ELAVL1: variants seen among roughly 807,000 people sequenced by gnomAD.
The protein encoded by ELAVL1 is ELAV-like protein 1.
Under a neutral mutation model 28.4 loss-of-function variants are expected in ELAVL1, and 1 was observed. The observed-to-expected ratio is 0.04, with a 90% CI of 0.01 to 0.17. The LOEUF is 0.17. ELAVL1 is among the 10% of genes least tolerant of loss of function. The pLI is 1.00. For missense variants in ELAVL1, 157 were observed against 447.2 expected, an observed-to-expected ratio of 0.35 and a Z score of 5.85; for synonymous variants, 174 against 183.5, an observed-to-expected ratio of 0.95 and a Z score of 0.42.
intron 2 of ELAVL1, among the ~76,000 whole-genome samples, chr19:7,983,117 AG>A (rs1985507185): frequency 6.6e-6 from 1 of 152,214 alleles, no homozygotes; most frequent in African/African-American, 2.4e-5. Flanking sequence ...ACGTGCAGTT[AG>A]TTCTGCATGG....
intron 4 of ELAVL1, among the ~76,000 whole-genome samples, chr19:7,968,762 A>G (rs1479661190): frequency 6.6e-6 from 1 of 152,076 alleles, no homozygotes; most frequent in Non-Finnish European, 1.5e-5. Flanking sequence ...GTGGAAGGAG[A>G]GCATGGCTGT....
chr19:7,982,388 C>T lies in ELAVL1; in HGVS notation c.173-1202G>A, dbSNP rs1296352092. On this transcript the variant is annotated intron_variant, in intron 2 of 5. Coordinates refer to ENST00000407627, the MANE Select transcript of ELAVL1 (RefSeq NM_001419.3). This position sits in a 1 kb window ranked among gnomAD's most constrained non-coding sequence, Gnocchi z 4.3. ...GCGCGACAACGAGCAGGTCACCGAA[C>T]AGGAGGTGGCCTGGAGCCCCACTGA... Among the ~76,000 whole-genome samples the T allele has an allele frequency of 6.6e-6, 1 of 152,200 alleles. No homozygotes were observed. Among genetic ancestry groups the T allele is most frequent in the Non-Finnish European group, 1.5e-5 (1 of 68,042 alleles).
At chr19:7,968,330 TCTC>T (rs1985010982) in intron 4 of ELAVL1, among the ~76,000 whole-genome samples, 1 of 152,202 alleles carries the variant, frequency 6.6e-6, no homozygotes, top group African/African-American at 2.4e-5. Context: ...CTGCATGCCT[TCTC>T]CTTCATGCCA....
Position 7,962,648 on chromosome 19 carries a change from G to A in ELAVL1, c.*835C>T, listed in dbSNP as rs550643406. 17 of 152,756 alleles carry A rather than the reference G, an allele frequency of 1.1e-4. No individual in the cohort carries two copies. Among genetic ancestry groups the A allele is most frequent in the East Asian group, 1.9e-4 (1 of 5,194 alleles). 9.5% of individuals were successfully genotyped at this position (152,756 alleles called of 1,614,324 possible). On this transcript the variant is annotated 3_prime_UTR_variant, in exon 6 of 6. Transcript: ENST00000407627. The stretch of plus-strand genomic sequence containing the variant: ...AGCTATGTTAAATGCTCTGGAAAAC[G>A]GGAGAAATTATCGTGAACAACAGTA...
chr19:7,967,646 T>C lies in ELAVL1; in HGVS notation c.575A>G (p.Asn192Ser). Residue 192 changes from asparagine to serine, a missense_variant, in exon 5 of 6, where the codon AAC becomes AGC. Asn to Ser is a conservative substitution (Grantham distance 46). This residue lies in a region of ELAVL1 where 107 missense variants were observed against 310.4 expected (regional missense o/e 0.34). Coordinates refer to ENST00000407627, the MANE Select transcript of ELAVL1 (RefSeq NM_001419.3). ...KFAANPNQNK[N>S]VALLSQLYHS... Reference sequence around the variant, plus strand: ...GTACAGCTGCGAGAGGAGTGCCACGTTTTTGTTCTGGTTGGGGTTGGCTGC... The same window carrying C: ...GTACAGCTGCGAGAGGAGTGCCACGCTTTTGTTCTGGTTGGGGTTGGCTGC... 2 of 1,614,176 alleles carry C rather than the reference T, an allele frequency of 1.2e-6. No homozygotes were observed. The highest frequency in any genetic ancestry group is 8.5e-7 in the Non-Finnish European group (1 of 1,180,024).
intron 5 of ELAVL1, among the ~76,000 whole-genome samples, chr19:7,964,231 C>G (rs1945383689): frequency 6.6e-6 from 1 of 152,196 alleles, no homozygotes; most frequent in Admixed American, 6.5e-5. Flanking sequence ...GGGCTGAACT[C>G]CTTTTTCCAA....
chr19:7,994,752 G>A (rs1985834587), intron 1 of ELAVL1, among the ~76,000 whole-genome samples: 2 of 152,174 alleles, frequency 1.3e-5, no homozygotes, highest in South Asian at 4.1e-4. Context: ...AGGAGTTCAA[G>A]ACCAGTCTGG....
intron 1 of ELAVL1, among the ~76,000 whole-genome samples, chr19:7,995,200 A>G (rs993492405): frequency 1.3e-5 from 2 of 152,260 alleles, no homozygotes; most frequent in Non-Finnish European, 2.9e-5. Flanking sequence ...ATTTGCTGGA[A>G]GCTGATCCAA....
At position 7,981,033 on chromosome 19, in the gene ELAVL1, G is replaced by C. The variant is rs778288851; in HGVS notation, c.276+50C>G. ...GTGAGGCTGGGCGGGGCTCAGCACA[G>C]ACCTGTGCCCAGGGCAGGAATGGAT... On this transcript the variant is annotated intron_variant, in intron 3 of 5. Coordinates refer to ENST00000407627, the MANE Select transcript of ELAVL1 (RefSeq NM_001419.3). This position sits in a 1 kb window ranked among gnomAD's most constrained non-coding sequence, Gnocchi z 4.2. 3 of 1,585,282 alleles carry C rather than the reference G, an allele frequency of 1.9e-6. No homozygotes were observed.
At chr19:7,995,503 T>C (rs1434090858) in intron 1 of ELAVL1, among the ~76,000 whole-genome samples, 2 of 152,210 alleles carry the variant, frequency 1.3e-5, no homozygotes, top group Admixed American at 1.3e-4. Context: ...ATCTGGCCCA[T>C]TGCCTGTTGT....
chr19:8,004,800 A>T (rs1350330306), intron 1 of ELAVL1, among the ~76,000 whole-genome samples: 3 of 152,108 alleles, frequency 2.0e-5, no homozygotes, highest in South Asian at 2.1e-4. Flanking sequence ...ACCCATTTTA[A>T]CAAGCCCCGC....
At chr19:8,001,078 A>C (rs1329811030) in intron 1 of ELAVL1, among the ~76,000 whole-genome samples, 1 of 152,154 alleles carries the variant, frequency 6.6e-6, no homozygotes, top group African/African-American at 2.4e-5. Context: ...CCCTTCCCAG[A>C]GCTTCAGCTT....
At chr19:7,993,490 C>T (rs1304103655) in intron 1 of ELAVL1, among the ~76,000 whole-genome samples, 1 of 152,232 alleles carries the variant, frequency 6.6e-6, no homozygotes, top group Non-Finnish European at 1.5e-5. Context: ...TTGGTCTTCA[C>T]AGTTTGCAGG....
intron 3 of ELAVL1, among the ~76,000 whole-genome samples, chr19:7,975,733 T>C (rs1985263828): frequency 6.6e-6 from 1 of 152,172 alleles, no homozygotes; most frequent in African/African-American, 2.4e-5. Flanking sequence ...GATACAGTCA[T>C]TGCGGATGTA....
At chr19:7,984,541 G>A (rs1985550461) in intron 2 of ELAVL1, among the ~76,000 whole-genome samples, 1 of 152,204 alleles carries the variant, frequency 6.6e-6, no homozygotes, top group South Asian at 2.1e-4. Flanking sequence ...CCAGCGGGCT[G>A]GTGATCTAAT....
chr19:8,003,752 ACT>A (rs951680784), intron 1 of ELAVL1, among the ~76,000 whole-genome samples: 1 of 152,224 alleles, frequency 6.6e-6, no homozygotes, highest in Non-Finnish European at 1.5e-5. Flanking sequence ...CCAGACTGAA[ACT>A]CTGTCTGCTC....
chr19:7,995,382 T>C (rs762272424), intron 1 of ELAVL1, among the ~76,000 whole-genome samples: 35 of 152,352 alleles, frequency 2.3e-4, no homozygotes, highest in Admixed American at 4.6e-4. Flanking sequence ...TCTGCTTTCA[T>C]GGACGGTGAG....
At chr19:7,967,828 A>G (rs985967246) in intron 4 of ELAVL1, 38 bp from the exon 5 acceptor site, 1 of 1,598,542 alleles carries the variant, frequency 6.3e-7, no homozygotes, top group South Asian at 1.1e-5. Flanking sequence ...TTAGGGGGAA[A>G]AACGCTAGGA....
At chr19:7,994,910 C>T (rs554206773) in intron 1 of ELAVL1, among the ~76,000 whole-genome samples, 4 of 152,210 alleles carry the variant, frequency 2.6e-5, no homozygotes, top group South Asian at 4.1e-4. Context: ...GCCATGATGG[C>T]GCCACTGCAC....
Sources: allele counts gnomAD v4.1 joint callset (sites outside exome capture counted in the v4.1 genomes callset), GRCh38; gene constraint gnomAD v4.1.1; regional missense constraint gnomAD v4.1.1; non-coding constraint Gnocchi (gnomAD v3.1); transcripts MANE v1.5; gene names NCBI Gene and HGNC (gene_info 2026-07-23, HGNC 2026-07-21).